Variants in ST8SIA1 observed in about 807,000 individuals in gnomAD.
The protein encoded by ST8SIA1 is ST8 alpha-N-acetyl-neuraminide alpha-2,8-sialyltransferase 1.
ST8SIA1 carries 16 observed loss-of-function variants against 35.9 expected under a neutral mutation model. That is an observed-to-expected ratio of 0.45 (90% CI 0.30 to 0.68). The LOEUF (loss-of-function observed/expected upper bound fraction) is 0.68. ST8SIA1 is among the 30% of genes least tolerant of loss of function. The pLI is 0.09. For missense variants in ST8SIA1, 383 were observed against 453.6 expected, an observed-to-expected ratio of 0.84 and a Z score of 1.41; for synonymous variants, 170 against 169.6, an observed-to-expected ratio of 1.00 and a Z score of -0.02.
chr12:22,272,159 C>T (rs187855077), intron 2 of ST8SIA1, among the ~76,000 whole-genome samples: 1 of 152,106 alleles, frequency 6.6e-6, no homozygotes, highest in Admixed American at 6.6e-5. Context: ...CTTAAGTGAA[C>T]GTTTTAAGTG....
intron 1 of ST8SIA1, among the ~76,000 whole-genome samples, chr12:22,309,209 C>T (rs1340621774): frequency 2.0e-5 from 3 of 152,160 alleles, no homozygotes; most frequent in South Asian, 4.1e-4. Context: ...TTGGACACAC[C>T]TTGCTAGACC....
intron 1 of ST8SIA1, chr12:22,324,936 AT>A (rs1866655833): frequency 6.6e-6 from 1 of 152,136 alleles, no homozygotes; most frequent in Non-Finnish European, 1.5e-5. Flanking sequence ...ATTTAATTAT[AT>A]GAGAAAATTC....
intron 1 of ST8SIA1, among the ~76,000 whole-genome samples, chr12:22,288,983 C>T (rs776429862): frequency 1.3e-5 from 2 of 152,102 alleles, no homozygotes; most frequent in East Asian, 1.9e-4. Flanking sequence ...TGGGCTCAAG[C>T]GATCCTCCTG....
chr12:22,222,069 ATATATT>A (rs1055819141), intron 4 of ST8SIA1, among the ~76,000 whole-genome samples: 47 of 152,196 alleles, frequency 3.1e-4, no homozygotes, highest in Admixed American at 1.0e-3. Context: ...AAGAAACCAA[ATATATT>A]TATATTAAGA....
chr12:22,211,125 T>A (rs1047065672), intron 4 of ST8SIA1, among the ~76,000 whole-genome samples: 2 of 152,208 alleles, frequency 1.3e-5, no homozygotes, highest in Non-Finnish European at 2.9e-5. Context: ...AGTTTTCCTT[T>A]TAATATTACA....
intron 2 of ST8SIA1, chr12:22,286,553 C>G (rs968165784): frequency 3.9e-6 from 2 of 516,542 alleles, no homozygotes; most frequent in Admixed American, 2.0e-5. Flanking sequence ...CTTTTCCCCC[C>G]TCTTGCTGCC....
At chr12:22,328,834 T>C (rs1255731294) in intron 1 of ST8SIA1, among the ~76,000 whole-genome samples, 1 of 152,198 alleles carries the variant, frequency 6.6e-6, no homozygotes, top group African/African-American at 2.4e-5. Context: ...AACAGTCCTA[T>C]AAGAAGCCCC....
At chr12:22,237,965 T>G (rs1260000360) in intron 4 of ST8SIA1, among the ~76,000 whole-genome samples, 5 of 152,298 alleles carry the variant, frequency 3.3e-5, no homozygotes, top group African/African-American at 1.2e-4. Context: ...CTTTCAACCT[T>G]TTGGAGATCC....
chr12:22,323,798 T>C (rs1424649367), intron 1 of ST8SIA1, among the ~76,000 whole-genome samples: 1 of 152,148 alleles, frequency 6.6e-6, no homozygotes, highest in Non-Finnish European at 1.5e-5. Flanking sequence ...AAGTGAGAGC[T>C]GATCGATGAG....
At chr12:22,242,311 T>G (rs1028931823) in intron 4 of ST8SIA1, among the ~76,000 whole-genome samples, 2 of 152,184 alleles carry the variant, frequency 1.3e-5, no homozygotes, top group African/African-American at 2.4e-5. Flanking sequence ...TGGGTTATAC[T>G]GTAACACTTA....
chr12:22,279,111 C>T (rs1343480171), intron 2 of ST8SIA1, among the ~76,000 whole-genome samples: 1 of 152,136 alleles, frequency 6.6e-6, no homozygotes, highest in African/African-American at 2.4e-5. Context: ...ATCCAGCCTA[C>T]TTCTCAATCT....
At position 22,197,695 on chromosome 12, in the gene ST8SIA1, C is replaced by T. The variant is rs1591821025; in HGVS notation, c.*3857G>A. The T allele has an allele frequency of 6.6e-6, 1 of 152,164 alleles. No individual in the cohort carries two copies. Among genetic ancestry groups the T allele is most frequent in the East Asian group, 1.9e-4 (1 of 5,170 alleles). The allele number at this position is 152,164 out of a possible 1,614,324, so 9.4% of individuals were successfully genotyped here. A position where few individuals can be genotyped will look rare whatever the true frequency, so the allele number is the denominator to read the frequency against. ...TTTTTCAGTTATTTTCCATTTTAAG[C>T]CATGTTGTCCAGATTGCTTCAGGTA... On this transcript the variant is annotated 3_prime_UTR_variant, in exon 5 of 5. Transcript: ENST00000396037.
intron 1 of ST8SIA1, among the ~76,000 whole-genome samples, chr12:22,312,841 C>T (rs17653452): frequency 0.48 from 72,967 of 151,942 alleles, 18,906 homozygotes; most frequent in African/African-American, 0.65. Flanking sequence ...TTTTCAATGC[C>T]GAAGTCTTCT....
chr12:22,297,519 C>G (rs1866260207), intron 1 of ST8SIA1, among the ~76,000 whole-genome samples: 1 of 152,034 alleles, frequency 6.6e-6, no homozygotes, highest in African/African-American at 2.4e-5. Context: ...ACCATTTTCA[C>G]AGAATGGAAT....
chr12:22,205,274 T>C (rs1229473399), intron 4 of ST8SIA1, among the ~76,000 whole-genome samples: 2 of 152,160 alleles, frequency 1.3e-5, no homozygotes, highest in African/African-American at 4.8e-5. Context: ...GTGTACTATA[T>C]GAATAAAAAA....
chr12:22,317,073 A>G (rs548960012), intron 1 of ST8SIA1, among the ~76,000 whole-genome samples: 49 of 152,316 alleles, frequency 3.2e-4, no homozygotes, highest in Non-Finnish European at 5.6e-4. Context: ...TTGCAGGAGC[A>G]AAAAACATGT....
intron 1 of ST8SIA1, among the ~76,000 whole-genome samples, chr12:22,311,628 G>T (rs948822450): frequency 6.6e-6 from 1 of 152,052 alleles, no homozygotes; most frequent in East Asian, 1.9e-4. Flanking sequence ...TCAATGAAAT[G>T]GTGGTATTTT....
chr12:22,224,549 G>A (rs1043565453), intron 4 of ST8SIA1, among the ~76,000 whole-genome samples: 2 of 152,118 alleles, frequency 1.3e-5, no homozygotes, highest in South Asian at 4.1e-4. Flanking sequence ...ATAAGCATGA[G>A]CCACTGCGCC....
At chr12:22,320,573 G>A (rs993669436) in intron 1 of ST8SIA1, among the ~76,000 whole-genome samples, 16 of 152,150 alleles carry the variant, frequency 1.1e-4, no homozygotes, top group African/African-American at 2.4e-4. Context: ...AGCCGGGAGC[G>A]GTGGCTTACA....
Sources: gnomAD v4.1 joint callset for allele counts (sites outside exome capture counted in the v4.1 genomes callset) on GRCh38, gnomAD v4.1.1 for gene constraint, MANE v1.5 for transcripts, NCBI Gene and HGNC (gene_info 2026-07-23, HGNC 2026-07-21) for gene names.